FOXK2: variants seen among roughly 807,000 people sequenced by gnomAD.
The protein encoded by FOXK2 is forkhead box K2, also known as forkhead box protein K2.
In FOXK2, 24 loss-of-function variants were observed where a neutral mutation model predicts 53.3. The observed-to-expected ratio is 0.45, with a 90% CI of 0.33 to 0.63. The LOEUF (loss-of-function observed/expected upper bound fraction) is 0.63, where lower values mean the gene tolerates loss of function less well. Among genes scored for constraint, FOXK2 ranks in the 30% least tolerant of loss-of-function variants. The probability of loss-of-function intolerance (pLI) is 0.03; values close to 1 mark genes in which losing one functional copy is unlikely to be tolerated. For synonymous variants in FOXK2, 505 were observed against 407.1 expected (o/e 1.24, Z -2.89); for missense variants, 952 against 910.5 (o/e 1.05, Z -0.59).
At chr17:82,542,373 C>T (rs1420091205) in intron 1 of FOXK2, among the ~76,000 whole-genome samples, 1 of 152,042 alleles carries the variant, frequency 6.6e-6, no homozygotes, top group East Asian at 1.9e-4. Context: ...CCATGTTGGC[C>T]AGGCTGGTCT....
intron 3 of FOXK2, 23 bp downstream of exon 3, chr17:82,568,224 G>T: frequency 6.2e-7 from 1 of 1,610,392 alleles, no homozygotes; most frequent in Non-Finnish European, 8.5e-7. Flanking sequence ...TAGCCTTGAA[G>T]CAGCCCCTGG....
At chr17:82,526,409 A>G (rs2044418728) in intron 1 of FOXK2, among the ~76,000 whole-genome samples, 1 of 152,184 alleles carries the variant, frequency 6.6e-6, no homozygotes, top group South Asian at 2.1e-4. Context: ...CTGGAGAATA[A>G]GGAAGGAGTG....
intron 1 of FOXK2, among the ~76,000 whole-genome samples, chr17:82,527,668 T>C (rs920049963): frequency 1.3e-5 from 2 of 152,218 alleles, no homozygotes; most frequent in African/African-American, 4.8e-5. Context: ...AGATACATTG[T>C]TATCACTGAT....
chr17:82,537,516 G>A (rs987544999), intron 1 of FOXK2, among the ~76,000 whole-genome samples: 1 of 150,734 alleles, frequency 6.6e-6, no homozygotes, highest in South Asian at 2.1e-4. Context: ...CTATTCAGGA[G>A]GCTAAGGCAG....
chr17:82,565,624 G>T (rs1376281666), intron 2 of FOXK2, among the ~76,000 whole-genome samples: 3 of 152,132 alleles, frequency 2.0e-5, no homozygotes, highest in African/African-American at 7.2e-5. Flanking sequence ...ACACCCATTG[G>T]ATTGGCTGCT....
intron 2 of FOXK2, among the ~76,000 whole-genome samples, chr17:82,565,154 A>C (rs1277082981): frequency 6.6e-6 from 1 of 152,174 alleles, no homozygotes; most frequent in Non-Finnish European, 1.5e-5. Flanking sequence ...CTTATCTTAT[A>C]CCGTGTGCAA....
intron 1 of FOXK2, among the ~76,000 whole-genome samples, chr17:82,532,359 G>T (rs905452322): frequency 6.6e-6 from 1 of 151,966 alleles, no homozygotes; most frequent in Non-Finnish European, 1.5e-5. Context: ...GGCCAGGCTG[G>T]TCTTGAACTC....
chr17:82,601,190 T>A, intron 8 of FOXK2, 113 bp from the exon 9 acceptor site: 2 of 1,160,644 alleles, frequency 1.7e-6, no homozygotes, highest in Non-Finnish European at 2.4e-6. Flanking sequence ...GGGCGAGAGT[T>A]CACATGAGAG....
chr17:82,569,398 T>TAAAACGTAGTAAATCCCAGC (rs1472250823), intron 3 of FOXK2, among the ~76,000 whole-genome samples: 1 of 152,162 alleles, frequency 6.6e-6, no homozygotes, highest in African/African-American at 2.4e-5. Flanking sequence ...AGCCAAGTGG[T>TAAAACGTAGTAAATCCCAGC]AAAACGTAGT....
intron 1 of FOXK2, among the ~76,000 whole-genome samples, chr17:82,547,417 G>A (rs1180675391): frequency 6.6e-6 from 1 of 152,114 alleles, no homozygotes; most frequent in Non-Finnish European, 1.5e-5. Context: ...AATTTGTATT[G>A]GGCCACATTC....
intron 1 of FOXK2, among the ~76,000 whole-genome samples, chr17:82,533,460 A>T (rs1184697973): frequency 6.6e-6 from 1 of 151,822 alleles, no homozygotes; most frequent in Non-Finnish European, 1.5e-5. Flanking sequence ...ACTGCACTCC[A>T]GCCTGGGTGA....
chr17:82,562,354 G>A (rs542359633), intron 1 of FOXK2, among the ~76,000 whole-genome samples: 8 of 152,356 alleles, frequency 5.3e-5, no homozygotes, highest in Non-Finnish European at 7.3e-5. Flanking sequence ...GCCGAGGTGG[G>A]CGGATCACGT....
intron 1 of FOXK2, among the ~76,000 whole-genome samples, chr17:82,536,452 C>G (rs1320275191): frequency 6.6e-6 from 1 of 152,156 alleles, no homozygotes; most frequent in African/African-American, 2.4e-5. Flanking sequence ...TATAGGGGCC[C>G]TTTTATTTAA....
chr17:82,530,867 G>A (rs549290299), intron 1 of FOXK2, among the ~76,000 whole-genome samples: 59 of 152,234 alleles, frequency 3.9e-4, no homozygotes, highest in African/African-American at 1.3e-3. Context: ...TTCAGAATAC[G>A]ATAGCATTTT....
At chr17:82,579,955 G>A (rs34052533) in intron 4 of FOXK2, among the ~76,000 whole-genome samples, 23 of 78,608 alleles carry the variant, frequency 2.9e-4, no homozygotes, top group South Asian at 1.1e-3. Flanking sequence ...TCTCCATGTC[G>A]CCCATGAAGT....
chr17:82,571,936 C>T (rs991900114), intron 4 of FOXK2, 66 bp downstream of exon 4: 9 of 1,429,044 alleles, frequency 6.3e-6, no homozygotes, highest in South Asian at 1.5e-5. Context: ...GGAGCGGCTG[C>T]TGTCTGGAAC....
intron 1 of FOXK2, among the ~76,000 whole-genome samples, chr17:82,548,931 C>T (rs2044651645): frequency 6.6e-6 from 1 of 152,168 alleles, no homozygotes; most frequent in Non-Finnish European, 1.5e-5. Context: ...TTTCCACTGC[C>T]ACCACCCGTG....
intron 4 of FOXK2, among the ~76,000 whole-genome samples, chr17:82,573,558 TCTCTCACACACACACACACA>T (rs879543289): frequency 0.071 from 6,475 of 90,710 alleles, 194 homozygotes; most frequent in South Asian, 0.19. Flanking sequence ...TCTCTCTCTC[TCTCTCACACACACACACACA>T]CACACACACA....
At chr17:82,579,465 C>T (rs1448389337) in intron 4 of FOXK2, among the ~76,000 whole-genome samples, 4 of 152,022 alleles carry the variant, frequency 2.6e-5, no homozygotes. Flanking sequence ...CTCTTCATGT[C>T]GCCCATGAAG....
Sources: gnomAD v4.1 joint callset for allele counts (sites outside exome capture counted in the v4.1 genomes callset) on GRCh38, gnomAD v4.1.1 for gene constraint, MANE v1.5 for transcripts, NCBI Gene and HGNC (gene_info 2026-07-23, HGNC 2026-07-21) for gene names.